The following COPE variants were observed in gnomAD, a reference collection of about 807,000 sequenced individuals.
COPE encodes coatomer subunit epsilon.
Under a neutral mutation model 42.1 loss-of-function variants are expected in COPE, and 19 were observed. The ratio of observed to expected loss-of-function variants is 0.45; its 90% CI spans 0.31 to 0.66. COPE has a LOEUF of 0.66. Ranked by LOEUF, COPE falls within the 30% of genes least tolerant of loss-of-function variation. The pLI is 0.05. For synonymous variants in COPE, 195 were observed against 181.3 expected (o/e 1.08, Z -0.60); for missense variants, 402 against 416.1 (o/e 0.97, Z 0.30).
At chr19:18,902,329 T>A (rs907035807) in intron 7 of COPE, among the ~76,000 whole-genome samples, 2 of 150,344 alleles carry the variant, frequency 1.3e-5, no homozygotes, top group African/African-American at 2.4e-5. Context: ...CTTTACAAAA[T>A]ATATATATAT....
intron 2 of COPE, among the ~76,000 whole-genome samples, chr19:18,912,441 G>A (rs2056819016): frequency 6.6e-6 from 1 of 151,122 alleles, no homozygotes; most frequent in East Asian, 2.0e-4. Context: ...ACTGTGCCTG[G>A]CTCCTACCAA....
At chr19:18,903,137 C>T in intron 7 of COPE, 131 bp downstream of exon 7, 1 of 913,088 alleles carries the variant, frequency 1.1e-6, no homozygotes, top group Non-Finnish European at 1.5e-6. Context: ...GCTGACTGGG[C>T]CTTAGAAGCC....
intron 1 of COPE, among the ~76,000 whole-genome samples, chr19:18,916,058 G>A (rs556567874): frequency 2.6e-5 from 4 of 151,980 alleles, no homozygotes; most frequent in East Asian, 1.9e-4. Context: ...GGTGGCGCAC[G>A]CCTGTAATCC....
chr19:18,919,235 C>G lies in COPE; in HGVS notation c.114G>C (p.Ala38=). ...TGCGCGGCCGCACCTTCACCCGCTG[C>G]GCCTCGTTTATGCACTGCTGGTAGC... is the stretch of plus-strand genomic sequence containing the variant. The part of the protein sequence containing the change: ...IGSYQQCINE[A]QRVKLSSPER... Residue 38 remains alanine (A), a synonymous_variant, in exon 1 of 10, where the codon GCG becomes GCC. Coordinates refer to ENST00000262812, the MANE Select transcript of COPE (RefSeq NM_007263.4). 6.2e-7 allele frequency: 1 copy of G among 1,611,996 alleles called. No individual in the cohort carries two copies. Among genetic ancestry groups the G allele is most frequent in the Non-Finnish European group, 8.5e-7 (1 of 1,178,898 alleles).
intron 6 of COPE, 95 bp downstream of exon 6, chr19:18,904,676 G>C: frequency 9.3e-7 from 1 of 1,077,868 alleles, no homozygotes; most frequent in Non-Finnish European, 1.4e-6. Context: ...AGCCCCACTG[G>C]AGTGGCCAGC....
intron 4 of COPE, chr19:18,906,056 T>C (rs899494889): frequency 4.9e-6 from 2 of 405,104 alleles, no homozygotes; most frequent in African/African-American, 4.1e-5. Flanking sequence ...CGTCCCCTCA[T>C]CCCTCTCAGC....
Position 18,910,983 on chromosome 19 carries a change from T to A in COPE, c.278A>T (p.His93Leu). ...TCTGGGGCCTCACCTCCGACTCTCG[T>A]GGGCGAGGTAGTCAGCAAACATGCG... ...AVRMFADYLAHESRRDSIVAE... is the reference protein window; with the variant it reads ...AVRMFADYLALESRRDSIVAE... The change falls in exon 3 of 10, where the codon CAC becomes CTC. Residue 93 changes from histidine to leucine, a missense_variant. Physicochemically the swap from His to Leu is moderately conservative, Grantham distance 99. Coordinates refer to ENST00000262812, the MANE Select transcript of COPE (RefSeq NM_007263.4). The A allele has an allele frequency of 6.2e-7, 1 of 1,613,774 alleles. No homozygotes were observed. The highest frequency in any genetic ancestry group is 8.5e-7 in the Non-Finnish European group (1 of 1,179,974).
At chr19:18,915,852 T>C (rs1378645454) in intron 1 of COPE, among the ~76,000 whole-genome samples, 1 of 152,184 alleles carries the variant, frequency 6.6e-6, no homozygotes, top group East Asian at 1.9e-4. Context: ...TGCCATCTTG[T>C]GGGCAAACTG....
intron 4 of COPE, chr19:18,906,703 C>T (rs1021190740): frequency 7.5e-6 from 3 of 400,628 alleles, no homozygotes; most frequent in Non-Finnish European, 1.3e-5. Context: ...GAGACAAAGC[C>T]GCTTTCTGCT....
At chr19:18,916,102 T>G (rs2056851244) in intron 1 of COPE, among the ~76,000 whole-genome samples, 1 of 151,918 alleles carries the variant, frequency 6.6e-6, no homozygotes, top group African/African-American at 2.4e-5. Flanking sequence ...GGAGAATCGC[T>G]TGAACCCAGG....
intron 1 of COPE, among the ~76,000 whole-genome samples, chr19:18,918,928 G>A (rs763568111): frequency 2.6e-5 from 4 of 152,154 alleles, no homozygotes; most frequent in Non-Finnish European, 5.9e-5. Context: ...GGGAACTGAA[G>A]GTATGGCTGA....
At chr19:18,902,793 G>GAAAGAAAGAAAGA (rs146837423) in intron 7 of COPE, among the ~76,000 whole-genome samples, 1 of 33,420 alleles carries the variant, frequency 3.0e-5, no homozygotes. Context: ...AGGAAGGAAG[G>GAAAGAAAGAAAGA]AAGGAAGGAA....
intron 4 of COPE, 56 bp from the exon 5 acceptor site, chr19:18,905,685 C>T (rs563364287): frequency 1.3e-5 from 20 of 1,528,692 alleles, no homozygotes; most frequent in African/African-American, 6.8e-5. Flanking sequence ...ATTGCATGGC[C>T]GCTCCACACC....
At chr19:18,906,175 G>A in intron 4 of COPE, 1 of 392,160 alleles carries the variant, frequency 2.5e-6, no homozygotes, top group Non-Finnish European at 4.5e-6. Flanking sequence ...CGCCGACAGT[G>A]TGACATCCCT....
rs55988241 is a variant in COPE, at chr19:18,903,439, C to A, written c.580-16G>T. 107 of 1,593,836 alleles carry A rather than the reference C, an allele frequency of 6.7e-5. No homozygotes were observed. The African/African-American group carries it at 1.2e-3, about 18-fold the overall frequency. On this transcript the variant is annotated splice_polypyrimidine_tract_variant and intron_variant, in intron 6 of 9. Transcript: ENST00000262812. Reference sequence around the variant, plus strand: ...TCTCACCACCCTGCAGGGAGGGTCCCGCATCATTGCCTGTGCCCCTGCTGC... The same window carrying A: ...TCTCACCACCCTGCAGGGAGGGTCCAGCATCATTGCCTGTGCCCCTGCTGC...
rs868110574 is a variant in COPE, at chr19:18,902,808, G to A, written c.735+460C>T. Among the ~76,000 whole-genome samples, 15 of 121,890 alleles carry A rather than the reference G, an allele frequency of 1.2e-4. 2 individuals carry two copies. The highest frequency in any genetic ancestry group is 4.9e-4 in the Admixed American group (6 of 12,318). The allele number at this position is 121,890 out of a possible 152,430, so 80.0% of individuals were successfully genotyped here. ...AGGAAGGAAGGAAGGAAGGAAGGAA[G>A]GAAGGAAGGAAGGAAGGAAGAAAAG... On this transcript the variant is annotated intron_variant, in intron 7 of 9. Transcript: ENST00000262812.
In COPE at chr19:18,910,585, T is replaced by C. The variant is rs78120961; in HGVS notation, c.290+386A>G. On this transcript the variant is annotated intron_variant, in intron 3 of 9. Coordinates refer to ENST00000262812, the MANE Select transcript of COPE (RefSeq NM_007263.4). Reference sequence around the variant, plus strand: ...TGGTGACAGAGTGAGACTCCATCTCTAAATAAATAAATAAGAAAACTGATG... The same window carrying C: ...TGGTGACAGAGTGAGACTCCATCTCCAAATAAATAAATAAGAAAACTGATG... The C allele has an allele frequency of 6.6e-3, 1,342 of 204,428 alleles. 16 individuals are homozygous for C. The highest frequency in any genetic ancestry group is 0.032 in the East Asian group (286 of 9,078). 12.7% of individuals were successfully genotyped at this position (204,428 alleles called of 1,614,324 possible).
At chr19:18,914,369 G>T (rs1039772168) in intron 1 of COPE, among the ~76,000 whole-genome samples, 1 of 151,756 alleles carries the variant, frequency 6.6e-6, no homozygotes, top group Non-Finnish European at 1.5e-5. Context: ...GTGAAACCCC[G>T]CCTCTACTTA....
intron 7 of COPE, among the ~76,000 whole-genome samples, chr19:18,902,338 A>T (rs528526955): frequency 2.1e-4 from 31 of 151,054 alleles, no homozygotes; most frequent in Non-Finnish European, 3.7e-4. Context: ...ATATATATAT[A>T]TTTTTAATTT....
Sources: allele counts gnomAD v4.1 joint callset (sites outside exome capture counted in the v4.1 genomes callset), GRCh38; gene constraint gnomAD v4.1.1; transcripts MANE v1.5; gene names NCBI Gene and HGNC (gene_info 2026-07-23, HGNC 2026-07-21).